Variants in CEP15 observed in about 807,000 individuals in gnomAD.
CEP15 encodes centrosomal protein 15, also known as centrosomal protein 15 kDa.
At chr3:62,327,370 C>A in the CEP15 span, among the ~76,000 whole-genome samples, 10 of 152,174 alleles carry the variant, frequency 6.6e-5, no homozygotes, top group Admixed American at 2.6e-4. Flanking sequence ...ATCAAAAATT[C>A]GTAATTAAAT....
chr3:62,324,929 A>C, the CEP15 span, among the ~76,000 whole-genome samples: 1 of 152,248 alleles, frequency 6.6e-6, no homozygotes, highest in Non-Finnish European at 1.5e-5. Context: ...GCATTTTGGA[A>C]TGATATGGTT....
At chr3:62,331,678 A>G in the CEP15 span, among the ~76,000 whole-genome samples, 3 of 152,272 alleles carry the variant, frequency 2.0e-5, no homozygotes, top group East Asian at 5.8e-4. Flanking sequence ...CTGTTAAACC[A>G]TAACAGACAA....
chr3:62,320,980 G>C, the CEP15 span, among the ~76,000 whole-genome samples: 2 of 152,120 alleles, frequency 1.3e-5, no homozygotes, highest in African/African-American at 4.8e-5. Flanking sequence ...TCCTCTGTTT[G>C]TGGGCTTTCA....
At chr3:62,320,330 A>G in the CEP15 span, 7 of 597,038 alleles carry the variant, frequency 1.2e-5, no homozygotes, top group Non-Finnish European at 2.0e-5. Flanking sequence ...CATTTTATAC[A>G]TTATTACATC....
the CEP15 span, among the ~76,000 whole-genome samples, chr3:62,320,980 G>A: frequency 6.6e-6 from 1 of 152,120 alleles, no homozygotes; most frequent in East Asian, 1.9e-4. Context: ...TCCTCTGTTT[G>A]TGGGCTTTCA....
the CEP15 span, among the ~76,000 whole-genome samples, chr3:62,330,788 A>G: frequency 6.6e-6 from 1 of 152,180 alleles, no homozygotes; most frequent in Non-Finnish European, 1.5e-5. Context: ...CTGAGCTTCC[A>G]TAAATATATG....
the CEP15 span, among the ~76,000 whole-genome samples, chr3:62,329,813 T>C: frequency 6.6e-6 from 1 of 152,240 alleles, no homozygotes. Flanking sequence ...AATAATCTTA[T>C]AACTTCTTAG....
chr3:62,320,147 A>T, the CEP15 span, among the ~76,000 whole-genome samples: 1 of 152,088 alleles, frequency 6.6e-6, no homozygotes, highest in South Asian at 2.1e-4. Context: ...TTTTCTGTTG[A>T]TTCAATAAAA....
chr3:62,325,349 C>T, the CEP15 span, among the ~76,000 whole-genome samples: 1 of 152,066 alleles, frequency 6.6e-6, no homozygotes, highest in Non-Finnish European at 1.5e-5. Context: ...TTGCCTTGAA[C>T]TCAATAAAAT....
chr3:62,319,996 G>C, the CEP15 span, among the ~76,000 whole-genome samples: 1 of 152,246 alleles, frequency 6.6e-6, no homozygotes, highest in East Asian at 1.9e-4. Context: ...AGAGATGGTA[G>C]AACTGGGCAC....
the CEP15 span, chr3:62,321,999 A>G: frequency 4.3e-6 from 7 of 1,610,770 alleles, no homozygotes; most frequent in Middle Eastern, 1.7e-4. This position sits in a 1 kb window ranked among gnomAD's most constrained non-coding sequence, Gnocchi z 4.1. Context: ...CAGAAAAGGC[A>G]TCTCAACTCC....
At chr3:62,333,419 T>C in the CEP15 span, 2 of 1,601,256 alleles carry the variant, frequency 1.2e-6, no homozygotes, top group East Asian at 2.2e-5. The surrounding 1 kb of genome is among the most constrained non-coding windows in gnomAD (Gnocchi z 4.0). Context: ...AAAAAGCCTG[T>C]TTAATAAAGC....
the CEP15 span, chr3:62,334,389 A>G: frequency 6.6e-6 from 1 of 152,164 alleles, no homozygotes; most frequent in Non-Finnish European, 1.5e-5. The surrounding 1 kb of genome is among the most constrained non-coding windows in gnomAD (Gnocchi z 4.9). Context: ...GAAAAGCTAA[A>G]TACACAGCAA....
the CEP15 span, among the ~76,000 whole-genome samples, chr3:62,330,185 G>C: frequency 6.6e-6 from 1 of 151,892 alleles, no homozygotes; most frequent in African/African-American, 2.4e-5. Context: ...TGCTCCCGCC[G>C]CTACCATCTG....
At chr3:62,333,471 A>AC in the CEP15 span, 1 of 1,453,312 alleles carries the variant, frequency 6.9e-7, no homozygotes, top group Non-Finnish European at 9.3e-7. The surrounding 1 kb of genome is among the most constrained non-coding windows in gnomAD (Gnocchi z 4.0). Context: ...GAACTTTAGG[A>AC]ATTAAATATG....
the CEP15 span, among the ~76,000 whole-genome samples, chr3:62,332,041 A>C: frequency 5.9e-5 from 9 of 152,094 alleles, no homozygotes; most frequent in African/African-American, 2.2e-4. Context: ...GAGGCTGAGA[A>C]TTTTCCCCTC....
At chr3:62,326,604 C>CA in the CEP15 span, among the ~76,000 whole-genome samples, 1 of 152,106 alleles carries the variant, frequency 6.6e-6, no homozygotes, top group Admixed American at 6.5e-5. Context: ...CATAGAGTAA[C>CA]ATTTATACCA....
chr3:62,320,823 G>A, the CEP15 span, among the ~76,000 whole-genome samples: 2 of 152,116 alleles, frequency 1.3e-5, no homozygotes, highest in Non-Finnish European at 2.9e-5. Flanking sequence ...ACACAGGGCT[G>A]GCTTCTTGGG....
chr3:62,322,083 T>A, the CEP15 span: 20 of 1,584,156 alleles, frequency 1.3e-5, no homozygotes, highest in South Asian at 1.9e-4. This position sits in a 1 kb window ranked among gnomAD's most constrained non-coding sequence, Gnocchi z 5.5. Flanking sequence ...ATATAGAGAT[T>A]TATCCCACCT....
Sources: allele counts gnomAD v4.1 joint callset (sites outside exome capture counted in the v4.1 genomes callset), GRCh38; gene constraint gnomAD v4.1.1; non-coding constraint Gnocchi (gnomAD v3.1); transcripts MANE v1.5; gene names NCBI Gene and HGNC (gene_info 2026-07-23, HGNC 2026-07-21).